Variants in GABBR2 observed in about 807,000 individuals in gnomAD.
GABBR2 encodes G-protein coupled receptor 51.
In GABBR2, 23 loss-of-function variants were observed where a neutral mutation model predicts 105.6. The ratio of observed to expected loss-of-function variants is 0.22; its 90% CI spans 0.16 to 0.31. The LOEUF is 0.31. GABBR2 is among the 10% of genes least tolerant of loss of function. The pLI is 1.00. For synonymous variants in GABBR2, 478 were observed against 499.7 expected, an observed-to-expected ratio of 0.96 and a Z score of 0.58; for missense variants, 734 against 1,245.5, an observed-to-expected ratio of 0.59 and a Z score of 6.18.
chr9:98,337,169 G>A (rs4743202), intron 13 of GABBR2, among the ~76,000 whole-genome samples: 67,412 of 151,894 alleles, frequency 0.44, 15,088 homozygotes, highest in African/African-American at 0.48. Context: ...GCCAGGCATG[G>A]TGGTGGGTGC....
intron 6 of GABBR2, among the ~76,000 whole-genome samples, chr9:98,455,307 A>G (rs1826306811): frequency 6.6e-6 from 1 of 152,306 alleles, no homozygotes; most frequent in Admixed American, 6.5e-5. Flanking sequence ...TGGGGGACCC[A>G]TTACCCTCAG....
chr9:98,684,062 G>C (rs1830587385), intron 1 of GABBR2, among the ~76,000 whole-genome samples: 1 of 147,394 alleles, frequency 6.8e-6, no homozygotes, highest in Non-Finnish European at 1.5e-5. Context: ...TGGCCTAGTG[G>C]AATTTTGGGA....
In GABBR2 at chr9:98,377,333, G is replaced by A. The variant is rs565851665; in HGVS notation, c.1663-5762C>T. On this transcript the variant is annotated intron_variant, in intron 11 of 18. Coordinates refer to ENST00000259455, the MANE Select transcript of GABBR2 (RefSeq NM_005458.8). ...CAGGGCCAGAGAGGAAGGACTGAGT[G>A]GCCACACCATGTGATTGCAGCTGTT... Among the ~76,000 whole-genome samples, 58 of 152,268 alleles carry A rather than the reference G, an allele frequency of 3.8e-4. No homozygotes were observed. In the South Asian group the frequency reaches 6.4e-3, roughly 17 times the overall value.
chr9:98,491,688 C>A (rs1195217058), intron 4 of GABBR2, among the ~76,000 whole-genome samples: 1 of 152,074 alleles, frequency 6.6e-6, no homozygotes, highest in Non-Finnish European at 1.5e-5. Flanking sequence ...GAGTTAAGCA[C>A]CCTTCTTTTA....
At chr9:98,364,974 T>C (rs769593510) in intron 12 of GABBR2, among the ~76,000 whole-genome samples, 1 of 152,230 alleles carries the variant, frequency 6.6e-6, no homozygotes, top group East Asian at 1.9e-4. Context: ...CCTTGATACC[T>C]GTGTGACCAT....
rs534944299 is a variant in GABBR2, at chr9:98,301,379, C to T, written c.2412+1862G>A. 7.9e-5 allele frequency among the ~76,000 whole-genome samples: 12 copies of T among 152,360 alleles called. No homozygotes were observed. In the South Asian group the frequency reaches 1.4e-3, roughly 18 times the overall value. On this transcript the variant is annotated intron_variant, in intron 16 of 18. Transcript: ENST00000259455. ...GGAAAACCCCACACACATTTGGTCA[C>T]AGAAGTCTTCTGCGTTGACTGTTGT...
chr9:98,611,958 G>C (rs1034946880), intron 1 of GABBR2, among the ~76,000 whole-genome samples: 3 of 152,288 alleles, frequency 2.0e-5, no homozygotes, highest in Non-Finnish European at 4.4e-5. Flanking sequence ...CCAGAATCAA[G>C]GAGGTGGAGA....
At chr9:98,654,439 C>T (rs1830152664) in intron 1 of GABBR2, among the ~76,000 whole-genome samples, 1 of 152,212 alleles carries the variant, frequency 6.6e-6, no homozygotes, top group Non-Finnish European at 1.5e-5. Context: ...CAAATATTTG[C>T]TGAATGCTTT....
intron 16 of GABBR2, among the ~76,000 whole-genome samples, chr9:98,300,753 C>A (rs2131346449): frequency 6.6e-6 from 1 of 152,304 alleles, no homozygotes; most frequent in South Asian, 2.1e-4. Context: ...GGACTGTAAT[C>A]TGATGTAGGT....
intron 1 of GABBR2, among the ~76,000 whole-genome samples, chr9:98,583,237 C>T (rs1199190045): frequency 6.6e-6 from 1 of 152,220 alleles, no homozygotes; most frequent in East Asian, 1.9e-4. Context: ...GCTATTTTCC[C>T]TTATCCTAAT....
In GABBR2 at chr9:98,684,771, G is replaced by A. The variant is rs1053690017; in HGVS notation, c.321+23646C>T. On this transcript the variant is annotated intron_variant, in intron 1 of 18. Transcript: ENST00000259455. ...CTATGGTAGAGACAAACTTTACCCC[G>A]TCCAAAGCTTCTCTTATTACGGATC... Among the ~76,000 whole-genome samples the A allele has an allele frequency of 1.6e-4, 25 of 152,202 alleles. 1 individual carries two copies. The highest frequency in any genetic ancestry group is 1.1e-3 in the Admixed American group (17 of 15,280).
intron 4 of GABBR2, among the ~76,000 whole-genome samples, chr9:98,489,662 C>T (rs1346936331): frequency 1.3e-5 from 2 of 152,088 alleles, no homozygotes; most frequent in African/African-American, 4.8e-5. Flanking sequence ...ATATCAACTA[C>T]TGATTTTTCA....
At chr9:98,426,581 T>C (rs1015491035) in intron 7 of GABBR2, among the ~76,000 whole-genome samples, 9 of 152,158 alleles carry the variant, frequency 5.9e-5, no homozygotes, top group African/African-American at 2.2e-4. Flanking sequence ...GAACCCATTC[T>C]CCCTTTTGGC....
chr9:98,376,773 G>A (rs886230928), intron 11 of GABBR2, among the ~76,000 whole-genome samples: 2 of 152,174 alleles, frequency 1.3e-5, no homozygotes, highest in African/African-American at 4.8e-5. Context: ...GTACAGCAGA[G>A]CCTTTCTGGG....
chr9:98,563,650 A>G (rs1418679477), intron 2 of GABBR2, among the ~76,000 whole-genome samples: 1 of 152,224 alleles, frequency 6.6e-6, no homozygotes, highest in African/African-American at 2.4e-5. Context: ...CTAAGACAGT[A>G]CTATGTAATA....
chr9:98,456,246 G>A (rs1408848868), intron 6 of GABBR2, among the ~76,000 whole-genome samples: 1 of 152,120 alleles, frequency 6.6e-6, no homozygotes, highest in East Asian at 1.9e-4. Context: ...ACATCAAGTT[G>A]GCTTGCACCT....
At chr9:98,305,474 T>G (rs565365332) in intron 15 of GABBR2, among the ~76,000 whole-genome samples, 1 of 152,276 alleles carries the variant, frequency 6.6e-6, no homozygotes, top group Non-Finnish European at 1.5e-5. Context: ...GACAAAACAT[T>G]AAGCAAAGAA....
chr9:98,595,250 CCT>C (rs770294465), intron 1 of GABBR2, among the ~76,000 whole-genome samples: 5 of 151,974 alleles, frequency 3.3e-5, no homozygotes, highest in South Asian at 2.1e-4. Context: ...CTCCCTTGTA[CCT>C]CTTTTATAAG....
intron 12 of GABBR2, among the ~76,000 whole-genome samples, chr9:98,363,558 A>G (rs112597042): frequency 1.5e-3 from 231 of 152,322 alleles, no homozygotes; most frequent in African/African-American, 5.3e-3. Flanking sequence ...ATTTACAGCA[A>G]CAATCAGAAG....
Sources: allele counts gnomAD v4.1 joint callset (sites outside exome capture counted in the v4.1 genomes callset), GRCh38; gene constraint gnomAD v4.1.1; transcripts MANE v1.5; gene names NCBI Gene and HGNC (gene_info 2026-07-23, HGNC 2026-07-21).